The following NF1 variants were observed in gnomAD, a reference collection of about 807,000 sequenced individuals.
NF1 encodes the protein neurofibromin 1.
A neutral mutation model predicts 325.7 loss-of-function variants in NF1; 122 were observed. The ratio of observed to expected loss-of-function variants is 0.37; its 90% CI spans 0.32 to 0.44. The LOEUF (loss-of-function observed/expected upper bound fraction) is 0.44. Ranked by LOEUF, NF1 falls within the 20% of genes least tolerant of loss-of-function variation. The pLI is 1.00. For synonymous variants in NF1, 1,091 were observed against 1,186.0 expected, an observed-to-expected ratio of 0.92 and a Z score of 1.65; for missense variants, 2,140 against 3,415.4, an observed-to-expected ratio of 0.63 and a Z score of 9.31.
Position 31,376,256 on chromosome 17 carries a change from G to C in NF1, c.*2101G>C, listed in dbSNP as rs1466410542. ...TTTTCTTGTTTTTGTTTGTTGGTTTGGTGCATATGATAGTGGGTGTTATGC... is the reference window on the plus strand; with the variant it reads ...TTTTCTTGTTTTTGTTTGTTGGTTTCGTGCATATGATAGTGGGTGTTATGC... On this transcript the variant is annotated 3_prime_UTR_variant, in exon 58 of 58. Transcript: ENST00000358273. The C allele has an allele frequency of 8.6e-6, 2 of 232,750 alleles. No homozygotes were observed. Among genetic ancestry groups the C allele is most frequent in the Non-Finnish European group, 1.7e-5 (2 of 117,870 alleles). The allele number at this position is 232,750 out of a possible 1,614,324, so 14.4% of individuals were successfully genotyped here. A position where few individuals can be genotyped will look rare whatever the true frequency, so the allele number is the denominator to read the frequency against.
intron 36 of NF1, among the ~76,000 whole-genome samples, chr17:31,267,354 T>G (rs2067810430): frequency 6.6e-6 from 1 of 152,204 alleles, no homozygotes; most frequent in Non-Finnish European, 1.5e-5. Flanking sequence ...CCTATAAAGT[T>G]GTGTAAGGAG....
chr17:31,227,145 G>A (rs2151426639), intron 18 of NF1, 73 bp from the exon 19 acceptor site: 6 of 1,476,996 alleles, frequency 4.1e-6, no homozygotes, highest in Non-Finnish European at 5.7e-6. Flanking sequence ...CTTTTGGGTG[G>A]AGCTTATCAG....
intron 1 of NF1, among the ~76,000 whole-genome samples, chr17:31,116,753 C>G (rs1001610715): frequency 6.7e-6 from 1 of 148,928 alleles, no homozygotes; most frequent in Non-Finnish European, 1.5e-5. Context: ...CTGCAAGCTC[C>G]GCATCTTGGT....
rs563411091 is a variant in NF1 at position 31,295,094 on chromosome 17, G to A, written c.4835+29755G>A. On this transcript the variant is annotated intron_variant, in intron 36 of 57. Transcript: ENST00000358273. ...AGCATTTGCCACAGAAGGTAATGGA[G>A]TCTTTACATTTGTGGTTGTCTCTTC... 2.1e-5 allele frequency: 34 copies of A among 1,614,146 alleles called. 1 individual carries two copies. The South Asian group carries it at 3.4e-4, about 16-fold the overall frequency.
intron 36 of NF1, chr17:31,304,446 T>C (rs1308887493): frequency 2.0e-5 from 32 of 1,614,006 alleles, no homozygotes; most frequent in African/African-American, 2.7e-5. Context: ...TTATCTCAGA[T>C]TTATGATCTC....
chr17:31,107,218 G>T (rs184235012), intron 1 of NF1, among the ~76,000 whole-genome samples: 65 of 152,096 alleles, frequency 4.3e-4, no homozygotes, highest in Non-Finnish European at 7.8e-4. Context: ...CTTCCTTTTG[G>T]GTAATGAGTG....
At chr17:31,260,680 T>G (rs1226202662) in intron 34 of NF1, among the ~76,000 whole-genome samples, 165 bp downstream of exon 34, 3 of 152,198 alleles carry the variant, frequency 2.0e-5, no homozygotes, top group Non-Finnish European at 4.4e-5. Context: ...AACAAAAGGT[T>G]AAGTCATATT....
Position 31,358,456 on chromosome 17 carries a change from C to T in NF1, c.7971-24C>T, listed in dbSNP as rs200105121. The T allele has an allele frequency of 3.6e-4, 586 of 1,609,858 alleles. 2 individuals are homozygous for T. In the Middle Eastern group the frequency reaches 5.3e-3, roughly 15 times the overall value. On this transcript the variant is annotated intron_variant, in intron 54 of 57. Coordinates refer to ENST00000358273, the MANE Select transcript of NF1 (RefSeq NM_001042492.3). The stretch of plus-strand genomic sequence containing the variant: ...TTTAATTTTCCTCTAAAATGTTCCT[C>T]TGTTGACTTTTTTTTTCTTTTAGGC...
At chr17:31,243,035 G>A (rs1022314080) in intron 29 of NF1, among the ~76,000 whole-genome samples, 4 of 152,168 alleles carry the variant, frequency 2.6e-5, no homozygotes, top group African/African-American at 9.7e-5. Context: ...GCCCAATAAC[G>A]CTGTGGCTCT....
At chr17:31,111,175 T>C (rs1183978265) in intron 1 of NF1, among the ~76,000 whole-genome samples, 1 of 151,632 alleles carries the variant, frequency 6.6e-6, no homozygotes, top group Admixed American at 6.6e-5. Flanking sequence ...ACTAGAGAGC[T>C]TGTGGACAGA....
At chr17:31,354,229 A>T (rs1409337326) in intron 51 of NF1, among the ~76,000 whole-genome samples, 1 of 152,216 alleles carries the variant, frequency 6.6e-6, no homozygotes, top group Non-Finnish European at 1.5e-5. Context: ...TGATGGAGAA[A>T]GCTGGAGATC....
At chr17:31,239,296 T>C (rs957385521) in intron 29 of NF1, among the ~76,000 whole-genome samples, 3 of 152,178 alleles carry the variant, frequency 2.0e-5, no homozygotes, top group African/African-American at 4.8e-5. Context: ...ATTCCTTTAG[T>C]GGGCTTATCA....
At chr17:31,264,990 C>T (rs1475147021) in intron 35 of NF1, among the ~76,000 whole-genome samples, 3 of 152,226 alleles carry the variant, frequency 2.0e-5, no homozygotes, top group South Asian at 2.1e-4. Flanking sequence ...TAAAACCAAT[C>T]CTATGGTTAA....
chr17:31,220,146 A>G (rs2066897080), intron 14 of NF1, among the ~76,000 whole-genome samples: 1 of 152,184 alleles, frequency 6.6e-6, no homozygotes, highest in Non-Finnish European at 1.5e-5. Flanking sequence ...GTATCATTTT[A>G]TATTCCCAGT....
chr17:31,123,565 A>C (rs773530513), intron 1 of NF1, among the ~76,000 whole-genome samples: 10 of 152,228 alleles, frequency 6.6e-5, no homozygotes, highest in Admixed American at 4.6e-4. Flanking sequence ...GATTACAGGC[A>C]TGAGCCACCG....
chr17:31,166,623 A>G (rs1464307498), intron 4 of NF1, among the ~76,000 whole-genome samples: 1 of 151,926 alleles, frequency 6.6e-6, no homozygotes, highest in Non-Finnish European at 1.5e-5. Context: ...GACTTTTTTC[A>G]CTTTATCCAA....
intron 11 of NF1, among the ~76,000 whole-genome samples, chr17:31,202,089 T>G (rs978540523): frequency 2.0e-5 from 3 of 152,184 alleles, no homozygotes; most frequent in African/African-American, 4.8e-5. Context: ...AAAAGGTACT[T>G]GCGAAACCTT....
intron 47 of NF1, among the ~76,000 whole-genome samples, chr17:31,341,594 A>AGTGTGTGTGTGTGT (rs760580157): frequency 6.9e-6 from 1 of 144,940 alleles, no homozygotes; most frequent in Non-Finnish European, 1.5e-5. Flanking sequence ...ATATATATAA[A>AGTGTGTGTGTGTGT]GTGTGTGTGT....
At chr17:31,304,807 G>A (rs2068664146) in intron 36 of NF1, 1 of 1,613,830 alleles carries the variant, frequency 6.2e-7, no homozygotes, top group Admixed American at 1.7e-5. Flanking sequence ...TGAAATGATT[G>A]ATGTACGTTT....
Sources: gnomAD v4.1 joint callset for allele counts (sites outside exome capture counted in the v4.1 genomes callset) on GRCh38, gnomAD v4.1.1 for gene constraint, MANE v1.5 for transcripts, NCBI Gene and HGNC (gene_info 2026-07-23, HGNC 2026-07-21) for gene names.